The following FARP2 variants were observed in gnomAD, a reference collection of about 807,000 sequenced individuals.
FARP2 encodes the protein FERM, ARH/RhoGEF and pleckstrin domain protein 2.
In FARP2, 111 loss-of-function variants were observed where a neutral mutation model predicts 130.5. That is an observed-to-expected ratio of 0.85 (90% CI 0.73 to 1.00). The LOEUF is 1.00. FARP2 is among the 50% of genes least tolerant of loss of function. The pLI is 0.00. For synonymous variants in FARP2, 504 were observed against 516.9 expected (o/e 0.98, Z 0.34); for missense variants, 1,385 against 1,346.3 (o/e 1.03, Z -0.45).
intron 17 of FARP2, chr2:241,466,134 A>C (rs1296337252): frequency 3.3e-5 from 35 of 1,057,886 alleles, no homozygotes; most frequent in Non-Finnish European, 3.9e-5. Context: ...CACAAAACCA[A>C]ATCTGGGTGT....
At chr2:241,371,977 G>A (rs1176010394) in intron 1 of FARP2, among the ~76,000 whole-genome samples, 4 of 151,922 alleles carry the variant, frequency 2.6e-5, no homozygotes, top group Admixed American at 1.3e-4. Context: ...TGTGTGTCCC[G>A]TGCCATCATG....
chr2:241,364,103 T>C (rs892222715), intron 1 of FARP2, among the ~76,000 whole-genome samples: 2 of 152,222 alleles, frequency 1.3e-5, no homozygotes, highest in Non-Finnish European at 2.9e-5. Flanking sequence ...ATTCGTTGTC[T>C]AGATTATCCA....
chr2:241,471,915 C>T (rs4599102), intron 18 of FARP2, among the ~76,000 whole-genome samples: 3,296 of 149,164 alleles, frequency 0.022, 31 homozygotes, highest in Admixed American at 0.13. Flanking sequence ...CTGTGGGGAC[C>T]CTGTTCTGAG....
At chr2:241,400,569 C>G (rs1284218415) in intron 2 of FARP2, among the ~76,000 whole-genome samples, 1 of 152,200 alleles carries the variant, frequency 6.6e-6, no homozygotes, top group Non-Finnish European at 1.5e-5. Context: ...GACTTTTTAT[C>G]AGATTCTCAA....
At chr2:241,426,856 T>C (rs1248235142) in intron 8 of FARP2, among the ~76,000 whole-genome samples, 1 of 152,218 alleles carries the variant, frequency 6.6e-6, no homozygotes, top group Non-Finnish European at 1.5e-5. Flanking sequence ...TCCTTGGATT[T>C]TCTATTTATT....
chr2:241,486,886 A>G (rs1295067483), intron 21 of FARP2, among the ~76,000 whole-genome samples: 1 of 152,198 alleles, frequency 6.6e-6, no homozygotes, highest in Non-Finnish European at 1.5e-5. Flanking sequence ...TCCACCATGG[A>G]AAGTGCTAGG....
chr2:241,432,826 G>A (rs571156300), intron 9 of FARP2, among the ~76,000 whole-genome samples: 10 of 152,320 alleles, frequency 6.6e-5, no homozygotes, highest in Admixed American at 5.2e-4. Flanking sequence ...CTACCATGGG[G>A]TTTGAAGCTT....
chr2:241,448,108 T>C (rs1357974684), intron 13 of FARP2, among the ~76,000 whole-genome samples: 5 of 152,202 alleles, frequency 3.3e-5, no homozygotes, highest in Non-Finnish European at 7.4e-5. Context: ...AACAAACTCA[T>C]GGGTCTCCTC....
intron 2 of FARP2, among the ~76,000 whole-genome samples, chr2:241,397,868 C>A (rs555482801): frequency 3.6e-5 from 5 of 137,002 alleles, no homozygotes; most frequent in Admixed American, 8.4e-5. Flanking sequence ...CTCGCTCTGT[C>A]GCCCAGGCTG....
In FARP2 at chr2:241,491,073, GAA is replaced by G; in HGVS notation, c.2519_2520del (p.Lys840ArgfsTer19). 1 of 1,613,394 alleles carries G rather than the reference GAA, an allele frequency of 6.2e-7. No individual in the cohort carries two copies. Among genetic ancestry groups the G allele is most frequent in the South Asian group, 1.1e-5 (1 of 91,080 alleles). Reference sequence around the variant, plus strand: ...CTTCTCCCTGCAGCACTCGGCTGGAGAAAGAGAAGTGGATGCTGGACCTGAAC... The same window carrying G: ...CTTCTCCCTGCAGCACTCGGCTGGAGAGAGAAGTGGATGCTGGACCTGAAC... ...IVVAASTRLE[K>X]EKWMLDLNSA... is the part of the protein sequence containing the mutation. On this transcript the variant is annotated frameshift_variant, in exon 23 of 27. Transcript: ENST00000264042. LOFTEE classifies it high-confidence loss of function.
chr2:241,359,702 T>C (rs2061141461), intron 1 of FARP2, among the ~76,000 whole-genome samples: 1 of 152,222 alleles, frequency 6.6e-6, no homozygotes, highest in Non-Finnish European at 1.5e-5. Flanking sequence ...GGTTACTTTC[T>C]CAGTCGTCTC....
At chr2:241,398,899 A>C (rs77967424) in intron 2 of FARP2, among the ~76,000 whole-genome samples, 1 of 152,170 alleles carries the variant, frequency 6.6e-6, no homozygotes, top group Non-Finnish European at 1.5e-5. Flanking sequence ...TTAGGTCTCT[A>C]TAAACAGATA....
At chr2:241,465,762 A>C in intron 17 of FARP2, 3 of 1,550,520 alleles carry the variant, frequency 1.9e-6, no homozygotes, top group Non-Finnish European at 1.7e-6. Context: ...CGACGACTCA[A>C]GCTCCCCCTC....
intron 18 of FARP2, among the ~76,000 whole-genome samples, chr2:241,471,886 G>T (rs2064319421): frequency 6.6e-6 from 1 of 151,154 alleles, no homozygotes; most frequent in Non-Finnish European, 1.5e-5. Flanking sequence ...TCAGGATCCT[G>T]TTCTGAGAGG....
At chr2:241,485,961 C>A (rs537741470) in intron 21 of FARP2, among the ~76,000 whole-genome samples, 10 of 152,226 alleles carry the variant, frequency 6.6e-5, no homozygotes, top group Non-Finnish European at 1.3e-4. Flanking sequence ...CTCCTCCTGA[C>A]AATGAGCGCC....
chr2:241,371,408 C>G (rs111928658), intron 1 of FARP2, among the ~76,000 whole-genome samples: 2 of 152,114 alleles, frequency 1.3e-5, no homozygotes, highest in Admixed American at 6.6e-5. Context: ...TGCTTGAGCC[C>G]GGGAGGTGGA....
At chr2:241,411,964 T>A (rs16843642) in intron 6 of FARP2, among the ~76,000 whole-genome samples, 3 of 152,092 alleles carry the variant, frequency 2.0e-5, no homozygotes, top group Non-Finnish European at 4.4e-5. Context: ...GCTGAAAGAC[T>A]TCTCAGGTAG....
intron 13 of FARP2, chr2:241,442,560 C>T: frequency 2.3e-6 from 1 of 436,684 alleles, no homozygotes; most frequent in Non-Finnish European, 4.6e-6. Flanking sequence ...TACAAGGCAA[C>T]CCACTCACCC....
intron 17 of FARP2, chr2:241,465,812 G>A (rs1048209525): frequency 6.8e-5 from 105 of 1,546,672 alleles, no homozygotes; most frequent in Middle Eastern, 1.7e-4. Flanking sequence ...CCAATCCTGC[G>A]AGACTCTGGC....
Sources: allele counts gnomAD v4.1 joint callset (sites outside exome capture counted in the v4.1 genomes callset), GRCh38; gene constraint gnomAD v4.1.1; transcripts MANE v1.5; gene names NCBI Gene and HGNC (gene_info 2026-07-23, HGNC 2026-07-21).